TK2: variants seen among roughly 807,000 people sequenced by gnomAD.
The protein encoded by TK2 is thymidine kinase 2, mitochondrial.
In TK2, 35 loss-of-function variants were observed where a neutral mutation model predicts 41.9. The ratio of observed to expected loss-of-function variants is 0.84; its 90% confidence interval spans 0.64 to 1.11. The LOEUF is 1.11. Among genes scored for constraint, TK2 ranks in the 50% least tolerant of loss-of-function variants. The pLI is 0.00. For synonymous variants in TK2, 128 were observed against 129.1 expected (o/e 0.99, Z 0.06); for missense variants, 320 against 351.1 (o/e 0.91, Z 0.71).
chr16:66,526,046 G>GT (rs1355251553), intron 6 of TK2, among the ~76,000 whole-genome samples: 2 of 152,172 alleles, frequency 1.3e-5, no homozygotes, highest in Non-Finnish European at 2.9e-5. Context: ...GAAATGTGGT[G>GT]ATGCAGGACC....
In TK2 at chr16:66,508,803, T is replaced by C. The variant is rs1171840764; in HGVS notation, c.*3165A>G. The stretch of plus-strand genomic sequence containing the variant: ...AAATGAAAGGGGCAGAAAGAGAAAG[T>C]GAAAAGTAAAAACAAGCTGGGTAAT... On this transcript the variant is annotated 3_prime_UTR_variant, in exon 10 of 10. Transcript: ENST00000544898. 1.3e-5 allele frequency: 2 copies of C among 152,246 alleles called. No homozygotes were observed. Among genetic ancestry groups the C allele is most frequent in the Non-Finnish European group, 2.9e-5 (2 of 68,062 alleles). The allele number at this position is 152,246 out of a possible 1,614,324, so 9.4% of individuals were successfully genotyped here.
intron 6 of TK2, among the ~76,000 whole-genome samples, chr16:66,518,340 A>G (rs1964678040): frequency 6.6e-6 from 1 of 152,200 alleles, no homozygotes; most frequent in Non-Finnish European, 1.5e-5. Flanking sequence ...CTGCCTGGGC[A>G]ACATGGAAAG....
Position 66,514,019 on chromosome 16 carries a change from C to T in TK2, c.619-208G>A, listed in dbSNP as rs1336831819. On this transcript the variant is annotated intron_variant, in intron 8 of 9. Transcript: ENST00000544898. The surrounding 1 kb of genome is among the most constrained non-coding windows in gnomAD (Gnocchi z 4.2). ...AGGCTGAGCAAAACAGCACAAGTGT[C>T]ACCAGCCACCCTGCTCTGCTCCACT... is the stretch of plus-strand genomic sequence containing the variant. Among the ~76,000 whole-genome samples the T allele has an allele frequency of 6.6e-6, 1 of 152,204 alleles. No homozygotes were observed. The highest frequency in any genetic ancestry group is 2.4e-5 in the African/African-American group (1 of 41,454).
At chr16:66,540,173 CTTTTTTTT>C (rs200305417) in intron 3 of TK2, among the ~76,000 whole-genome samples, 2 of 130,782 alleles carry the variant, frequency 1.5e-5, no homozygotes, top group Non-Finnish European at 3.2e-5. Context: ...TTTCTTTTTT[CTTTTTTTT>C]TTTTTTTTTG....
At position 66,514,927 on chromosome 16, in the gene TK2, C is replaced by T. The variant is rs1025586212; in HGVS notation, c.619-1116G>A. On this transcript the variant is annotated intron_variant, in intron 8 of 9. Coordinates refer to ENST00000544898, the MANE Select transcript of TK2 (RefSeq NM_004614.5). The surrounding 1 kb of genome is among the most constrained non-coding windows in gnomAD (Gnocchi z 4.2). ...CACTAAGGGTTAAATGGATTAAGGG[C>T]GATGCAAGATGTGCTTTGTTAAACA... Among the ~76,000 whole-genome samples, 1 of 152,102 alleles carries T rather than the reference C, an allele frequency of 6.6e-6. No homozygotes were observed. The highest frequency in any genetic ancestry group is 1.5e-5 in the Non-Finnish European group (1 of 68,024).
rs1164465569 is a variant in TK2 at position 66,508,227 on chromosome 16, A to G, written c.*3741T>C. ...ATACCCATTCTGGATTCCACGACATAGGCTTTCTCTTAGCTTCTGTTTAAT... is the reference window on the plus strand; with the variant it reads ...ATACCCATTCTGGATTCCACGACATGGGCTTTCTCTTAGCTTCTGTTTAAT... On this transcript the variant is annotated 3_prime_UTR_variant, in exon 10 of 10. Transcript: ENST00000544898. The G allele has an allele frequency of 6.6e-6, 1 of 152,232 alleles. No homozygotes were observed. The highest frequency in any genetic ancestry group is 1.5e-5 in the Non-Finnish European group (1 of 68,042). 9.4% of individuals were successfully genotyped at this position (152,232 alleles called of 1,614,324 possible).
upstream of TK2, chr16:66,550,132 G>A (rs185357812): frequency 9.1e-5 from 147 of 1,612,336 alleles, no homozygotes; most frequent in Non-Finnish European, 1.2e-4. Context: ...TGCTAGTCCA[G>A]CCGTTGGGCG....
intron 6 of TK2, among the ~76,000 whole-genome samples, chr16:66,522,036 A>G (rs1964796153): frequency 6.6e-6 from 1 of 152,184 alleles, no homozygotes; most frequent in African/African-American, 2.4e-5. Flanking sequence ...CTTCAGTCCC[A>G]GTTTATAGAA....
At chr16:66,532,101 C>A (rs1965132206) in intron 4 of TK2, among the ~76,000 whole-genome samples, 1 of 130,426 alleles carries the variant, frequency 7.7e-6, no homozygotes, top group Non-Finnish European at 1.6e-5. Flanking sequence ...ATGTACCCCG[C>A]TAAAAGTAAA....
chr16:66,549,737 A>G, intron 1 of TK2: 1 of 1,279,464 alleles, frequency 7.8e-7, no homozygotes, highest in South Asian at 2.9e-5. Flanking sequence ...TCCCAGAACC[A>G]AAGCCGAGCG....
chr16:66,517,709 A>G lies in TK2; in HGVS notation c.538+80T>C. On this transcript the variant is annotated intron_variant, in intron 7 of 9. Coordinates refer to ENST00000544898, the MANE Select transcript of TK2 (RefSeq NM_004614.5). The surrounding 1 kb of genome is among the most constrained non-coding windows in gnomAD (Gnocchi z 4.3). ...GCAAGTGCCTCACCCACTGCCCCCA[A>G]GGGTTGGGGCCCAGCCAAGCACATC... 1 of 1,392,958 alleles carries G rather than the reference A, an allele frequency of 7.2e-7. No homozygotes were observed. The highest frequency in any genetic ancestry group is 1.0e-6 in the Non-Finnish European group (1 of 978,770). 86.3% of individuals were successfully genotyped at this position (1,392,958 alleles called of 1,614,324 possible). A position where few individuals can be genotyped will look rare whatever the true frequency, so the allele number is the denominator to read the frequency against.
intron 4 of TK2, among the ~76,000 whole-genome samples, chr16:66,533,655 TCATGTGTTGGAAACTTAATCCCC>T (rs1192560656): frequency 2.0e-5 from 3 of 152,106 alleles, no homozygotes; most frequent in Non-Finnish European, 4.4e-5. Flanking sequence ...CCCCTAAATT[TCATGTGTTGGAAACTTAATCCCC>T]CATGTGGCAG....
At chr16:66,526,454 C>A (rs546638699) in intron 6 of TK2, among the ~76,000 whole-genome samples, 31 of 152,256 alleles carry the variant, frequency 2.0e-4, no homozygotes, top group African/African-American at 7.5e-4. Flanking sequence ...TCAAAAAGAG[C>A]CACGAGGCCG....
intron 8 of TK2, among the ~76,000 whole-genome samples, chr16:66,516,005 T>C (rs1964601278): frequency 6.6e-6 from 1 of 152,188 alleles, no homozygotes; most frequent in Non-Finnish European, 1.5e-5. Flanking sequence ...ACATGGGACA[T>C]TCAGTTCAAT....
chr16:66,550,150 G>T (rs1235396844), upstream of TK2: 1 of 1,612,532 alleles, frequency 6.2e-7, no homozygotes, highest in South Asian at 1.1e-5. Flanking sequence ...GCGCCGCCTG[G>T]ATCCCGGCGC....
chr16:66,526,411 AACCTCTGGT>A (rs1361507949), intron 6 of TK2, among the ~76,000 whole-genome samples: 20 of 152,204 alleles, frequency 1.3e-4, no homozygotes, highest in African/African-American at 4.6e-4. Context: ...CTCTCCCCTT[AACCTCTGGT>A]CATTCCATTC....
chr16:66,549,488 G>C (rs757804481), intron 1 of TK2: 24 of 1,040,526 alleles, frequency 2.3e-5, no homozygotes, highest in Non-Finnish European at 2.4e-5. Context: ...GAACCCGGGT[G>C]TAACAGTGAC....
At chr16:66,547,212 C>G (rs1321192558) in intron 2 of TK2, among the ~76,000 whole-genome samples, 1 of 152,164 alleles carries the variant, frequency 6.6e-6, no homozygotes, top group Non-Finnish European at 1.5e-5. Context: ...ACCAGTCAAC[C>G]AACCAGCAAC....
At chr16:66,546,592 C>T (rs1356943586) in intron 2 of TK2, 2 of 150,876 alleles carry the variant, frequency 1.3e-5, no homozygotes, top group Admixed American at 6.6e-5. Flanking sequence ...TGGGATCATA[C>T]TTCATATACT....
Sources: allele counts gnomAD v4.1 joint callset (sites outside exome capture counted in the v4.1 genomes callset), GRCh38; gene constraint gnomAD v4.1.1; non-coding constraint Gnocchi (gnomAD v3.1); transcripts MANE v1.5; gene names NCBI Gene and HGNC (gene_info 2026-07-23, HGNC 2026-07-21).